Variants in GAS7 observed in about 807,000 individuals in gnomAD.
GAS7 encodes growth arrest specific 7, also known as growth arrest-specific protein 7.
A neutral mutation model predicts 71.1 loss-of-function variants in GAS7; 28 were observed. That is an observed-to-expected ratio of 0.39 (90% confidence interval 0.29 to 0.54). The LOEUF is 0.54. Ranked by LOEUF, GAS7 falls within the 20% of genes least tolerant of loss-of-function variation. The pLI, the probability that GAS7 is intolerant of heterozygous loss-of-function variation, is 0.62. For missense variants in GAS7, 436 were observed against 627.8 expected, an observed-to-expected ratio of 0.69 and a Z score of 3.27; for synonymous variants, 258 against 245.8, an observed-to-expected ratio of 1.05 and a Z score of -0.46.
intron 1 of GAS7, among the ~76,000 whole-genome samples, chr17:10,193,922 T>C (rs1056283772): frequency 6.6e-6 from 1 of 152,160 alleles, no homozygotes; most frequent in Non-Finnish European, 1.5e-5. Context: ...AATCTTGGAG[T>C]GGCTTGTTAC....
At chr17:10,148,909 C>CA (rs752140645) in intron 1 of GAS7, among the ~76,000 whole-genome samples, 9,349 of 117,060 alleles carry the variant, frequency 0.08, 811 homozygotes, top group East Asian at 0.29. Flanking sequence ...GACTCCGCCT[C>CA]AAAAAAAAAA....
rs73272732 is a variant in GAS7 at position 10,011,295 on chromosome 17, G to T, written c.304+8482C>A. The stretch of plus-strand genomic sequence containing the variant: ...GGATGAAGCATCACTCTGCATGGTG[G>T]AATCTGGCTTTCTGAGAGCTTGGTA... On this transcript the variant is annotated intron_variant, in intron 2 of 13. Coordinates refer to ENST00000432992, the MANE Select transcript of GAS7 (RefSeq NM_201433.2). Among the ~76,000 whole-genome samples, 5 of 152,284 alleles carry T rather than the reference G, an allele frequency of 3.3e-5. No individual in the cohort carries two copies. The South Asian group carries it at 1.0e-3, about 32-fold the overall frequency.
intron 1 of GAS7, among the ~76,000 whole-genome samples, chr17:10,156,526 T>C (rs977638424): frequency 6.6e-6 from 1 of 152,216 alleles, no homozygotes; most frequent in Non-Finnish European, 1.5e-5. Flanking sequence ...ACTCTCCACT[T>C]GCCTGTCGGG....
intron 2 of GAS7, among the ~76,000 whole-genome samples, chr17:10,000,448 G>T (rs879687425): frequency 6.6e-6 from 1 of 152,190 alleles, no homozygotes; most frequent in Non-Finnish European, 1.5e-5. Flanking sequence ...TGACTTGAAA[G>T]CACCCTCTGC....
chr17:10,134,331 C>T (rs1317558034), intron 1 of GAS7, among the ~76,000 whole-genome samples: 1 of 152,102 alleles, frequency 6.6e-6, no homozygotes, highest in Non-Finnish European at 1.5e-5. Flanking sequence ...TTTTCTTTAT[C>T]CACTCATTCA....
chr17:10,059,722 C>T, intron 1 of GAS7: 1 of 985,448 alleles, frequency 1.0e-6, no homozygotes, highest in Non-Finnish European at 1.2e-6. Context: ...TTATGCAAAT[C>T]TGACACGCTG....
intron 4 of GAS7, among the ~76,000 whole-genome samples, chr17:9,966,571 G>A (rs1383233875): frequency 1.3e-5 from 2 of 152,196 alleles, no homozygotes; most frequent in Non-Finnish European, 2.9e-5. Flanking sequence ...ATGCTGGAGT[G>A]GGGTCTATAC....
intron 1 of GAS7, among the ~76,000 whole-genome samples, chr17:10,044,716 G>A (rs1217147668): frequency 6.6e-6 from 1 of 152,066 alleles, no homozygotes; most frequent in Non-Finnish European, 1.5e-5. Flanking sequence ...CCACATATAA[G>A]TAGATCTGTG....
intron 9 of GAS7, among the ~76,000 whole-genome samples, chr17:9,931,767 G>A (rs1332800770): frequency 6.6e-6 from 1 of 152,184 alleles, no homozygotes; most frequent in Non-Finnish European, 1.5e-5. Flanking sequence ...ACATCTGGGT[G>A]TCAACTCAAT....
At chr17:9,953,215 G>A (rs370843325) in intron 5 of GAS7, among the ~76,000 whole-genome samples, 4 of 152,056 alleles carry the variant, frequency 2.6e-5, no homozygotes, top group African/African-American at 9.7e-5. Context: ...GGAGCTGGAA[G>A]CCATTATCCT....
chr17:10,081,745 G>A (rs774181059), intron 1 of GAS7, among the ~76,000 whole-genome samples: 10 of 152,152 alleles, frequency 6.6e-5, no homozygotes, highest in Admixed American at 2.6e-4. Flanking sequence ...TCACACCCTC[G>A]GATGGCAAAA....
At chr17:9,933,932 TTGGTGGATATTGA>T (rs61562092) in intron 9 of GAS7, among the ~76,000 whole-genome samples, 1,805 of 152,286 alleles carry the variant, frequency 0.012, 89 homozygotes, top group East Asian at 0.078. Context: ...TTCCATGCTC[TTGGTGGATATTGA>T]TGGTTATTTG....
At position 10,080,535 on chromosome 17, in the gene GAS7, G is replaced by A. The variant is rs12451071; in HGVS notation, c.184-60638C>T. On this transcript the variant is annotated intron_variant, in intron 1 of 13. Transcript: ENST00000432992. ...ATGAACTCTCCCCAAATTCTTTCTT[G>A]CATAAGATCCAAGAACGCTGTCTTG... Among the ~76,000 whole-genome samples the A allele has an allele frequency of 8.0e-3, 1,216 of 152,068 alleles. 40 individuals carry two copies. Among genetic ancestry groups the A allele is most frequent in the Admixed American group, 0.062 (943 of 15,294 alleles).
At chr17:10,181,788 G>A (rs1417640602) in intron 1 of GAS7, among the ~76,000 whole-genome samples, 1 of 152,104 alleles carries the variant, frequency 6.6e-6, no homozygotes, top group Non-Finnish European at 1.5e-5. Flanking sequence ...CAAGATACAG[G>A]TCACAAAGAC....
intron 1 of GAS7, among the ~76,000 whole-genome samples, chr17:10,196,258 G>A (rs1489593026): frequency 3.3e-5 from 5 of 152,176 alleles, no homozygotes; most frequent in African/African-American, 9.7e-5. Flanking sequence ...AACAAAACAC[G>A]CAAGCATTAC....
chr17:10,114,521 C>A (rs1489498502), intron 1 of GAS7: 1 of 152,118 alleles, frequency 6.6e-6, no homozygotes, highest in Non-Finnish European at 1.5e-5. Flanking sequence ...CCGAGTGATC[C>A]TCTGCCTGCT....
At chr17:9,972,779 A>G (rs2070022052) in intron 3 of GAS7, among the ~76,000 whole-genome samples, 1 of 152,134 alleles carries the variant, frequency 6.6e-6, no homozygotes, top group Non-Finnish European at 1.5e-5. Flanking sequence ...CATCCCCCCA[A>G]CTCCTAAACA....
intron 4 of GAS7, among the ~76,000 whole-genome samples, chr17:9,962,575 G>A (rs1224232390): frequency 6.6e-6 from 1 of 152,206 alleles, no homozygotes; most frequent in African/African-American, 2.4e-5. Context: ...CAAAGGGGAA[G>A]GGAGAGAACA....
In GAS7 at chr17:9,974,938, C is replaced by G. The variant is rs1474771722; in HGVS notation, c.386-5176G>C. Among the ~76,000 whole-genome samples, 2 of 152,202 alleles carry G rather than the reference C, an allele frequency of 1.3e-5. No individual in the cohort carries two copies. Among genetic ancestry groups the G allele is most frequent in the Non-Finnish European group, 2.9e-5 (2 of 68,038 alleles). ...AGCCCTACTCTCCAGGTTCCTGTTCCCTGAGGAACCCAAAAGAACATAAGA... is the reference window on the plus strand; with the variant it reads ...AGCCCTACTCTCCAGGTTCCTGTTCGCTGAGGAACCCAAAAGAACATAAGA... On this transcript the variant is annotated intron_variant, in intron 3 of 13. Transcript: ENST00000432992. This position sits in a 1 kb window ranked among gnomAD's most constrained non-coding sequence, Gnocchi z 4.0.
Sources: allele counts gnomAD v4.1 joint callset (sites outside exome capture counted in the v4.1 genomes callset), GRCh38; gene constraint gnomAD v4.1.1; non-coding constraint Gnocchi (gnomAD v3.1); transcripts MANE v1.5; gene names NCBI Gene and HGNC (gene_info 2026-07-23, HGNC 2026-07-21).